The following SATB1 variants were observed in gnomAD, a reference collection of about 807,000 sequenced individuals.
SATB1 encodes the protein SATB homeobox 1, also known as DNA-binding protein SATB1.
A neutral mutation model predicts 86.9 loss-of-function variants in SATB1; 11 were observed. That is an observed-to-expected ratio of 0.13 (90% CI 0.08 to 0.21). SATB1 has a LOEUF of 0.21. SATB1 is among the 10% of genes least tolerant of loss of function. SATB1 has a pLI of 1.00. For missense variants in SATB1, 551 were observed against 937.6 expected, an observed-to-expected ratio of 0.59 and a Z score of 5.39; for synonymous variants, 357 against 357.2, an observed-to-expected ratio of 1.00 and a Z score of 0.01.
upstream of SATB1, among the ~76,000 whole-genome samples, chr3:18,425,674 G>A (rs1033590691): frequency 6.6e-6 from 1 of 151,676 alleles, no homozygotes; most frequent in Non-Finnish European, 1.5e-5. Flanking sequence ...AGGGCGCTGT[G>A]CGAGGGCTAG....
chr3:18,384,850 G>C (rs1007518921), intron 8 of SATB1, among the ~76,000 whole-genome samples: 1 of 152,090 alleles, frequency 6.6e-6, no homozygotes, highest in Non-Finnish European at 1.5e-5. Flanking sequence ...GTGGGCAGGT[G>C]GGTGTGTACA....
chr3:18,390,301 A>C (rs1474131209), intron 7 of SATB1, among the ~76,000 whole-genome samples: 2 of 152,130 alleles, frequency 1.3e-5, no homozygotes, highest in Non-Finnish European at 2.9e-5. Context: ...GATTTGATGA[A>C]ACCTCCCTCC....
upstream of SATB1, among the ~76,000 whole-genome samples, chr3:18,439,327 T>C (rs1353932782): frequency 1.3e-5 from 2 of 152,166 alleles, no homozygotes; most frequent in Non-Finnish European, 2.9e-5. Flanking sequence ...CTTGAAAGCA[T>C]AAAAATAGGC....
chr3:18,349,578 T>A lies in SATB1; in HGVS notation c.1884A>T (p.Gln628His), dbSNP rs1227571501. ...ACTCTGCTGGAGAGGCCACCGTGGG[T>A]TGCCGTGGGGGGAGCCGAGGGCCTG... ...PQTGPRLPPRQPTVASPAESD... is the reference protein window; with the variant it reads ...PQTGPRLPPRHPTVASPAESD... The change falls in exon 11 of 11, where the codon CAA (glutamine) becomes CAT (histidine). Residue 628 changes from glutamine to histidine, a missense_variant. Coordinates refer to ENST00000338745, the MANE Select transcript of SATB1 (RefSeq NM_002971.6). The surrounding 1 kb of genome is among the most constrained non-coding windows in gnomAD (Gnocchi z 5.5). 4.3e-6 allele frequency: 7 copies of A among 1,613,820 alleles called. No homozygotes were observed. In the East Asian group the frequency reaches 1.3e-4, roughly 31 times the overall value.
intron 5 of SATB1, among the ~76,000 whole-genome samples, chr3:18,398,919 C>T (rs545141870): frequency 6.6e-6 from 1 of 152,276 alleles, no homozygotes; most frequent in African/African-American, 2.4e-5. Context: ...GATCTGTCAG[C>T]TTCAATCTCA....
chr3:18,388,206 T>A (rs1213664239), intron 7 of SATB1, among the ~76,000 whole-genome samples: 1 of 152,138 alleles, frequency 6.6e-6, no homozygotes, highest in East Asian at 1.9e-4. Context: ...TCTAGTCAAT[T>A]TAACTAAAAT....
chr3:18,374,669 A>G lies in SATB1; in HGVS notation c.1575+3501T>C, dbSNP rs547554349. Among the ~76,000 whole-genome samples, 3 of 152,308 alleles carry G rather than the reference A, an allele frequency of 2.0e-5. No individual in the cohort carries two copies. In the South Asian group the frequency reaches 6.2e-4, roughly 32 times the overall value. ...TCCATATCTATTATTCATTGAAGAG[A>G]CAATACATGTGAAATGGTGGAATCC... is the stretch of plus-strand genomic sequence containing the variant. On this transcript the variant is annotated intron_variant, in intron 9 of 10. Coordinates refer to ENST00000338745, the MANE Select transcript of SATB1 (RefSeq NM_002971.6).
chr3:18,350,479 T>A (rs545662522), intron 10 of SATB1: 4 of 152,284 alleles, frequency 2.6e-5, no homozygotes, highest in Non-Finnish European at 5.9e-5. Context: ...TACATAAATA[T>A]GTGACACATG....
At chr3:18,381,142 T>C (rs1696037538) in intron 8 of SATB1, among the ~76,000 whole-genome samples, 2 of 152,238 alleles carry the variant, frequency 1.3e-5, no homozygotes, top group South Asian at 4.1e-4. Context: ...CACTAGAGTC[T>C]GCTTTTTATT....
At chr3:18,365,461 G>A (rs536063069) in intron 9 of SATB1, among the ~76,000 whole-genome samples, 2 of 152,128 alleles carry the variant, frequency 1.3e-5, no homozygotes, top group South Asian at 4.1e-4. Context: ...GGGTAGGGTC[G>A]GGGAGGGGAG....
chr3:18,385,132 G>GT (rs558491265), intron 8 of SATB1, among the ~76,000 whole-genome samples: 4 of 152,196 alleles, frequency 2.6e-5, no homozygotes, highest in Middle Eastern at 3.4e-3. Context: ...TGTTGAATGA[G>GT]TTTTTTCTAG....
chr3:18,390,185 A>G (rs1171179526), intron 7 of SATB1, among the ~76,000 whole-genome samples: 1 of 152,200 alleles, frequency 6.6e-6, no homozygotes, highest in South Asian at 2.1e-4. Context: ...CAATCTGAAC[A>G]AAAAGGCTGT....
At chr3:18,429,351 A>G (rs2125192576), upstream of SATB1, among the ~76,000 whole-genome samples, 1 of 152,348 alleles carries the variant, frequency 6.6e-6, no homozygotes, top group Non-Finnish European at 1.5e-5. The surrounding 1 kb of genome is among the most constrained non-coding windows in gnomAD (Gnocchi z 4.1). Flanking sequence ...CAAAATATAT[A>G]TTGGAGAAGA....
chr3:18,370,020 G>T lies in SATB1; in HGVS notation c.1575+8150C>A, dbSNP rs544131242. 1.4e-4 allele frequency among the ~76,000 whole-genome samples: 22 copies of T among 152,250 alleles called. No individual in the cohort carries two copies. The South Asian group carries it at 3.3e-3, about 23-fold the overall frequency. ...CATCACAAAGCGGAGAAACTCCCAA[G>T]GGGGAGACCTAATGGAATATTTTCC... is the stretch of plus-strand genomic sequence containing the variant. On this transcript the variant is annotated intron_variant, in intron 9 of 10. Coordinates refer to ENST00000338745, the MANE Select transcript of SATB1 (RefSeq NM_002971.6).
At chr3:18,351,254 G>A (rs1694343710) in intron 10 of SATB1, 2 of 1,399,824 alleles carry the variant, frequency 1.4e-6, no homozygotes, top group Non-Finnish European at 2.0e-6. Context: ...TGGGGAGCAG[G>A]TCTTTAGGTC....
intron 8 of SATB1, among the ~76,000 whole-genome samples, chr3:18,384,400 A>G (rs1233303657): frequency 6.6e-6 from 1 of 152,166 alleles, no homozygotes; most frequent in Non-Finnish European, 1.5e-5. Flanking sequence ...AGAGTCCTAG[A>G]AAAATTAGAA....
intron 8 of SATB1, among the ~76,000 whole-genome samples, chr3:18,382,958 G>C (rs9310560): frequency 0.61 from 92,558 of 151,716 alleles, 28,782 homozygotes; most frequent in East Asian, 0.93. Flanking sequence ...TTTCTTCTAG[G>C]GAAAGGTTGG....
In SATB1 at chr3:18,357,498, AAGAC is replaced by A. The variant is rs1216203560; in HGVS notation, c.1576-5307_1576-5304del. On this transcript the variant is annotated intron_variant, in intron 9 of 10. Coordinates refer to ENST00000338745, the MANE Select transcript of SATB1 (RefSeq NM_002971.6). ...TCTGTAAGTGTTACTTATGCTAATG[AAGAC>A]AGTTTTTAATCTGCCCACAAACATG... is the stretch of plus-strand genomic sequence containing the variant. 2.0e-5 allele frequency among the ~76,000 whole-genome samples: 3 copies of A among 151,626 alleles called. No homozygotes were observed. The East Asian group carries it at 5.8e-4, about 29-fold the overall frequency.
chr3:18,415,577 T>C (rs1469855223), intron 4 of SATB1, among the ~76,000 whole-genome samples: 1 of 98,532 alleles, frequency 1.0e-5, no homozygotes, highest in African/African-American at 3.6e-5. Context: ...ACTCTGTTCA[T>C]ATGAATTAAA....
Sources: gnomAD v4.1 joint callset for allele counts (sites outside exome capture counted in the v4.1 genomes callset) on GRCh38, gnomAD v4.1.1 for gene constraint, Gnocchi (gnomAD v3.1) non-coding constraint, MANE v1.5 for transcripts, NCBI Gene and HGNC (gene_info 2026-07-23, HGNC 2026-07-21) for gene names.